NXPH1: variants seen among roughly 807,000 people sequenced by gnomAD.
The protein encoded by NXPH1 is neurexophilin-1.
NXPH1 carries 5 observed loss-of-function variants against 23.7 expected under a neutral mutation model. That is an observed-to-expected ratio of 0.21 (90% CI 0.11 to 0.44). NXPH1 has a LOEUF of 0.44. Among genes scored for constraint, NXPH1 ranks in the 20% least tolerant of loss-of-function variants. The pLI is 0.99. For synonymous variants in NXPH1, 144 were observed against 122.2 expected (o/e 1.18, Z -1.18); for missense variants, 324 against 321.6 (o/e 1.01, Z -0.06).
chr7:8,606,754 C>A (rs976536), intron 2 of NXPH1, among the ~76,000 whole-genome samples: 52,795 of 151,892 alleles, frequency 0.35, 10,195 homozygotes, highest in African/African-American at 0.53. Flanking sequence ...TGTATATCCT[C>A]CTAGTCCAGT....
In NXPH1 at chr7:8,568,044, C is replaced by T. The variant is rs188370638; in HGVS notation, c.54+132277C>T. Among the ~76,000 whole-genome samples the T allele has an allele frequency of 5.9e-5, 9 of 151,846 alleles. No individual in the cohort carries two copies. In the East Asian group the frequency reaches 1.8e-3, roughly 30 times the overall value. ...TGCAGGGCGAGTCTTTTTTCAACGT[C>T]CCATGCTATTTTCGGGATAGATATA... On this transcript the variant is annotated intron_variant, in intron 2 of 2. Coordinates refer to ENST00000405863, the MANE Select transcript of NXPH1 (RefSeq NM_152745.3).
chr7:8,455,382 T>C (rs1453162990), intron 2 of NXPH1, among the ~76,000 whole-genome samples: 2 of 152,172 alleles, frequency 1.3e-5, no homozygotes, highest in Non-Finnish European at 1.5e-5. Flanking sequence ...GTATTGTGTC[T>C]TGGTGCATAA....
At chr7:8,607,020 T>C (rs1305247077) in intron 2 of NXPH1, among the ~76,000 whole-genome samples, 2 of 152,206 alleles carry the variant, frequency 1.3e-5, no homozygotes, top group East Asian at 3.8e-4. Flanking sequence ...AGGACATATT[T>C]TATTGAATAA....
chr7:8,571,883 A>T (rs1238334354), intron 2 of NXPH1, among the ~76,000 whole-genome samples: 1 of 55,910 alleles, frequency 1.8e-5, no homozygotes, highest in Non-Finnish European at 3.2e-5. Context: ...GGACTTGTTA[A>T]AAAAAAAAAA....
At chr7:8,620,551 A>G (rs1227191641) in intron 2 of NXPH1, among the ~76,000 whole-genome samples, 1 of 152,202 alleles carries the variant, frequency 6.6e-6, no homozygotes, top group Non-Finnish European at 1.5e-5. Context: ...GGAAGCATGC[A>G]GGCTGAGGCT....
At chr7:8,643,938 A>G (rs1820356442) in intron 2 of NXPH1, among the ~76,000 whole-genome samples, 1 of 152,028 alleles carries the variant, frequency 6.6e-6, no homozygotes, top group Non-Finnish European at 1.5e-5. Context: ...TTAGTATTAC[A>G]TTTTTGCTAA....
intron 2 of NXPH1, among the ~76,000 whole-genome samples, chr7:8,552,955 T>C (rs1188561338): frequency 2.6e-5 from 4 of 151,478 alleles, no homozygotes; most frequent in Admixed American, 6.6e-5. Context: ...TAAAGATCTA[T>C]CGTTTAGGAA....
intron 2 of NXPH1, among the ~76,000 whole-genome samples, chr7:8,606,583 A>G (rs2128628540): frequency 6.6e-6 from 1 of 152,326 alleles, no homozygotes; most frequent in Non-Finnish European, 1.5e-5. Context: ...TCTGCCAGGC[A>G]TTGGAAGTTA....
chr7:8,732,944 G>A (rs189135457), intron 2 of NXPH1, among the ~76,000 whole-genome samples: 1 of 152,062 alleles, frequency 6.6e-6, no homozygotes, highest in African/African-American at 2.4e-5. Context: ...TTGTTACATA[G>A]GTATACATGT....
At chr7:8,589,148 C>T (rs959071845) in intron 2 of NXPH1, among the ~76,000 whole-genome samples, 1 of 152,008 alleles carries the variant, frequency 6.6e-6, no homozygotes, top group Non-Finnish European at 1.5e-5. Flanking sequence ...AATATTTTTC[C>T]TCTGCTCTGG....
intron 2 of NXPH1, among the ~76,000 whole-genome samples, chr7:8,719,348 C>A (rs1433035008): frequency 6.6e-6 from 1 of 152,114 alleles, no homozygotes; most frequent in African/African-American, 2.4e-5. Flanking sequence ...GCAAAGGTGT[C>A]ATTGACATAA....
At chr7:8,475,785 C>G (rs1816960311) in intron 2 of NXPH1, among the ~76,000 whole-genome samples, 1 of 152,052 alleles carries the variant, frequency 6.6e-6, no homozygotes, top group African/African-American at 2.4e-5. Context: ...GATATAATAT[C>G]ACATATATAA....
intron 2 of NXPH1, among the ~76,000 whole-genome samples, chr7:8,685,396 G>A (rs142852691): frequency 0.039 from 5,959 of 151,646 alleles, 149 homozygotes; most frequent in Non-Finnish European, 0.067. Context: ...TTAACATAAT[G>A]ATCTCTAGTT....
chr7:8,549,410 A>G (rs901225631), intron 2 of NXPH1, among the ~76,000 whole-genome samples: 1 of 151,586 alleles, frequency 6.6e-6, no homozygotes, highest in African/African-American at 2.4e-5. Context: ...TCATTTATCC[A>G]GGCTTTATTC....
intron 2 of NXPH1, among the ~76,000 whole-genome samples, chr7:8,706,661 G>T (rs968793728): frequency 1.3e-5 from 2 of 152,134 alleles, no homozygotes; most frequent in African/African-American, 4.8e-5. Context: ...TCATGGTCAT[G>T]GTGGCCATGG....
chr7:8,463,420 C>A (rs1816727125), intron 2 of NXPH1, among the ~76,000 whole-genome samples: 1 of 151,598 alleles, frequency 6.6e-6, no homozygotes, highest in Admixed American at 6.6e-5. Context: ...GCAATGACTA[C>A]ATATACACTC....
At chr7:8,689,576 G>T (rs2189630) in intron 2 of NXPH1, among the ~76,000 whole-genome samples, 56,442 of 152,000 alleles carry the variant, frequency 0.37, 11,104 homozygotes, top group East Asian at 0.8. Flanking sequence ...CTTCTGGAAC[G>T]GAGGCCTTTG....
intron 2 of NXPH1, among the ~76,000 whole-genome samples, chr7:8,738,518 C>T (rs1292734864): frequency 6.6e-6 from 1 of 152,142 alleles, no homozygotes; most frequent in African/African-American, 2.4e-5. Context: ...GGGACACCTG[C>T]CAGATACCAG....
At chr7:8,630,164 A>G (rs1050485473) in intron 2 of NXPH1, among the ~76,000 whole-genome samples, 2 of 152,132 alleles carry the variant, frequency 1.3e-5, no homozygotes, top group South Asian at 2.1e-4. Flanking sequence ...AGATGCCATC[A>G]GAGGGTGACA....
Sources: gnomAD v4.1 joint callset for allele counts (sites outside exome capture counted in the v4.1 genomes callset) on GRCh38, gnomAD v4.1.1 for gene constraint, MANE v1.5 for transcripts, NCBI Gene and HGNC (gene_info 2026-07-23, HGNC 2026-07-21) for gene names.